Variants in ZNF438 observed in about 807,000 individuals in gnomAD.
The protein encoded by ZNF438 is zinc finger protein 438.
A neutral mutation model predicts 38.0 loss-of-function variants in ZNF438; 25 were observed. The ratio of observed to expected loss-of-function variants is 0.66; its 90% confidence interval spans 0.48 to 0.92. ZNF438 has a LOEUF of 0.92. Among genes scored for constraint, ZNF438 ranks in the 40% least tolerant of loss-of-function variants. The pLI is 0.00. For synonymous variants in ZNF438, 372 were observed against 364.1 expected (o/e 1.02, Z -0.25); for missense variants, 1,007 against 999.6 (o/e 1.01, Z -0.10).
intron 3 of ZNF438, among the ~76,000 whole-genome samples, chr10:30,898,882 A>G (rs1489621579): frequency 2.0e-5 from 3 of 152,194 alleles, no homozygotes; most frequent in East Asian, 3.8e-4. Flanking sequence ...GTAATTTCCT[A>G]TAATTCTCAC....
rs563189482 is a variant in ZNF438 at position 31,010,892 on chromosome 10, GAAAAAAAAAAAAAAA to G, written c.-192+20926_-192+20940del. Among the ~76,000 whole-genome samples, 38 of 92,586 alleles carry G rather than the reference GAAAAAAAAAAAAAAA, an allele frequency of 4.1e-4. No individual in the cohort carries two copies. The East Asian group carries it at 0.015, about 37-fold the overall frequency. 60.7% of individuals were successfully genotyped at this position (92,586 alleles called of 152,430 possible). A position where few individuals can be genotyped will look rare whatever the true frequency, so the allele number is the denominator to read the frequency against. On this transcript the variant is annotated intron_variant, in intron 1 of 5. Coordinates refer to ENST00000413025, the Ensembl canonical transcript of ZNF438. Reference sequence around the variant, plus strand: ...TGGATAACGAAGTGAGACCCTGTTTGAAAAAAAAAAAAAAAAAAAAAAAAAAAAAAGATTTTGTTG... The same window carrying G: ...TGGATAACGAAGTGAGACCCTGTTTGAAAAAAAAAAAAAAAGATTTTGTTG...
At chr10:30,845,445 T>A in exon 6 of ZNF438, 1 of 1,614,102 alleles carries the variant, frequency 6.2e-7, no homozygotes, top group South Asian at 1.1e-5. Flanking sequence ...TCCATGAACA[T>A]CAAGTAAATG....
intron 4 of ZNF438, among the ~76,000 whole-genome samples, chr10:30,866,705 G>A (rs975332029): frequency 6.6e-6 from 1 of 152,074 alleles, no homozygotes; most frequent in Non-Finnish European, 1.5e-5. Context: ...GTGGTGACAG[G>A]CACCTGTAGT....
chr10:30,937,842 T>A (rs1167243644), intron 2 of ZNF438, among the ~76,000 whole-genome samples: 1 of 152,212 alleles, frequency 6.6e-6, no homozygotes, highest in African/African-American at 2.4e-5. Flanking sequence ...AAACACCAAT[T>A]TGATCATGTC....
At chr10:30,974,993 G>C (rs1405751377) in intron 1 of ZNF438, among the ~76,000 whole-genome samples, 1 of 152,090 alleles carries the variant, frequency 6.6e-6, no homozygotes. Flanking sequence ...ATCCTGGAGA[G>C]GCTGTTCTCA....
At chr10:30,969,745 TA>T (rs1188905987) in intron 1 of ZNF438, among the ~76,000 whole-genome samples, 1 of 152,082 alleles carries the variant, frequency 6.6e-6, no homozygotes, top group Non-Finnish European at 1.5e-5. Context: ...CTATTAAACA[TA>T]AAAACCTCAT....
intron 1 of ZNF438, among the ~76,000 whole-genome samples, chr10:30,944,093 T>A (rs565582451): frequency 5.2e-4 from 79 of 152,208 alleles, no homozygotes; most frequent in African/African-American, 1.8e-3. Context: ...AAAGAGAGCA[T>A]AAGAGTAGGG....
At chr10:30,885,166 C>T (rs1250047991) in intron 3 of ZNF438, among the ~76,000 whole-genome samples, 1 of 152,146 alleles carries the variant, frequency 6.6e-6, no homozygotes, top group Non-Finnish European at 1.5e-5. Context: ...TTAAAACATG[C>T]AAATATAAAA....
At chr10:31,007,855 T>G (rs1408162233) in intron 1 of ZNF438, among the ~76,000 whole-genome samples, 2 of 152,302 alleles carry the variant, frequency 1.3e-5, no homozygotes, top group Non-Finnish European at 2.9e-5. Context: ...CTCAATGCCA[T>G]GACATAAGAC....
chr10:30,860,886 C>G (rs1299842601), intron 4 of ZNF438, among the ~76,000 whole-genome samples: 1 of 152,016 alleles, frequency 6.6e-6, no homozygotes, highest in Non-Finnish European at 1.5e-5. Context: ...GGGGTAAGTA[C>G]AGATCTCAGT....
chr10:31,007,822 C>T (rs1589699346), intron 1 of ZNF438, among the ~76,000 whole-genome samples: 1 of 152,170 alleles, frequency 6.6e-6, no homozygotes, highest in East Asian at 1.9e-4. Context: ...GCAGAAAGAA[C>T]ACTGACTCAG....
At chr10:30,992,331 G>A (rs1432045423) in intron 1 of ZNF438, among the ~76,000 whole-genome samples, 4 of 151,722 alleles carry the variant, frequency 2.6e-5, no homozygotes, top group Non-Finnish European at 5.9e-5. Flanking sequence ...GAGCTGGATA[G>A]AAAAAAACCT....
At chr10:31,007,572 G>A (rs60134842) in intron 1 of ZNF438, among the ~76,000 whole-genome samples, 11,176 of 152,146 alleles carry the variant, frequency 0.073, 431 homozygotes, top group African/African-American at 0.083. Flanking sequence ...TAGCCACCGC[G>A]CCCGGCCAGA....
rs542967725 is a variant in ZNF438 at position 30,858,480 on chromosome 10, CT to C, written c.38-8114del. ...AGCCATTGCCTACCCTCTCCCCAAG[CT>C]ACTGTCCAGGGTCTGCAGCAGCAGT... On this transcript the variant is annotated intron_variant, in intron 4 of 5. Transcript: ENST00000413025. Among the ~76,000 whole-genome samples the C allele has an allele frequency of 2.3e-3, 357 of 152,332 alleles. 1 individual carries two copies. Among genetic ancestry groups the C allele is most frequent in the African/African-American group, 8.0e-3 (334 of 41,576 alleles).
chr10:30,903,115 G>A (rs1259231670), intron 3 of ZNF438, among the ~76,000 whole-genome samples: 5 of 152,122 alleles, frequency 3.3e-5, no homozygotes, highest in African/African-American at 9.7e-5. Context: ...CCAAGCCCAC[G>A]CCCACCCGGA....
chr10:30,964,620 A>C (rs2049914536), intron 1 of ZNF438, among the ~76,000 whole-genome samples: 2 of 152,224 alleles, frequency 1.3e-5, no homozygotes, highest in South Asian at 2.1e-4. Context: ...TTAACAGATT[A>C]TCTTTAATCG....
At position 30,845,818 on chromosome 10, in the gene ZNF438, C is replaced by T. The variant is rs562909779; in HGVS notation, c.1875-245G>A. Among the ~76,000 whole-genome samples the T allele has an allele frequency of 8.5e-5, 13 of 152,346 alleles. No individual in the cohort carries two copies. In the East Asian group the frequency reaches 1.5e-3, roughly 18 times the overall value. On this transcript the variant is annotated intron_variant, in intron 5 of 5. Coordinates refer to ENST00000413025, the Ensembl canonical transcript of ZNF438. ...TTCATTTAGTCAACAGTCCTCTTCA[C>T]GCATCTGTCCCAGGCGAGCTAACTC... is the stretch of plus-strand genomic sequence containing the variant.
chr10:30,902,801 T>G (rs1282099221), intron 3 of ZNF438, among the ~76,000 whole-genome samples: 1 of 152,184 alleles, frequency 6.6e-6, no homozygotes, highest in East Asian at 1.9e-4. Flanking sequence ...AGTCCCGCAG[T>G]GTGCCCGCAC....
intron 1 of ZNF438, among the ~76,000 whole-genome samples, chr10:30,953,672 A>C (rs74355777): frequency 3.1e-4 from 8 of 26,008 alleles, no homozygotes; most frequent in East Asian, 2.6e-3. Flanking sequence ...ACACACACAA[A>C]AAAAAAACAA....
Sources: gnomAD v4.1 joint callset for allele counts (sites outside exome capture counted in the v4.1 genomes callset) on GRCh38, gnomAD v4.1.1 for gene constraint, MANE v1.5 for transcripts, NCBI Gene and HGNC (gene_info 2026-07-23, HGNC 2026-07-21) for gene names.